SLC25A37: variants seen among roughly 807,000 people sequenced by gnomAD.
SLC25A37 encodes mitoferrin-1.
In SLC25A37, 17 loss-of-function variants were observed where a neutral mutation model predicts 31.0. That is an observed-to-expected ratio of 0.55 (90% CI 0.38 to 0.82). The LOEUF is 0.82. SLC25A37 is among the 40% of genes least tolerant of loss of function. The pLI, the probability that SLC25A37 is intolerant of heterozygous loss-of-function variation, is 0.00. For synonymous variants in SLC25A37, 222 were observed against 193.0 expected (o/e 1.15, Z -1.24); for missense variants, 404 against 465.8 (o/e 0.87, Z 1.22).
chr8:23,541,633 C>T (rs1249204524), intron 1 of SLC25A37: 1 of 152,382 alleles, frequency 6.6e-6, no homozygotes, highest in African/African-American at 2.4e-5. Flanking sequence ...GCTGGCCAGC[C>T]AGACCTGCCG....
chr8:23,569,427 A>ACACACACACACT (rs1182003929), intron 3 of SLC25A37, among the ~76,000 whole-genome samples: 1 of 151,154 alleles, frequency 6.6e-6, no homozygotes, highest in Non-Finnish European at 1.5e-5. Context: ...ACACACACAC[A>ACACACACACACT]CTCACTCTCT....
In SLC25A37 at chr8:23,550,336, G is replaced by C. The variant is rs1448996087; in HGVS notation, c.211-15772G>C. ...GCGCTGGCTCCGAGATCACAGTGCT[G>C]CCGCCCTCCTTCACGTTTCTCTGAC... On this transcript the variant is annotated intron_variant, in intron 1 of 3. Coordinates refer to ENST00000519973, the MANE Select transcript of SLC25A37 (RefSeq NM_016612.4). Among the ~76,000 whole-genome samples the C allele has an allele frequency of 2.0e-5, 2 of 101,268 alleles. 1 individual carries two copies. Among genetic ancestry groups the C allele is most frequent in the South Asian group, 5.6e-4 (2 of 3,544 alleles). The allele number at this position is 101,268 out of a possible 152,430, so 66.4% of individuals were successfully genotyped here. A position where few individuals can be genotyped will look rare whatever the true frequency, so the allele number is the denominator to read the frequency against.
In SLC25A37 at chr8:23,574,069, C is replaced by T. The variant is rs773762158; in HGVS notation, c.*2214C>T. 46 of 340,018 alleles carry T rather than the reference C, an allele frequency of 1.4e-4. No individual in the cohort carries two copies. The highest frequency in any genetic ancestry group is 4.3e-4 in the Middle Eastern group (1 of 2,316). The allele number at this position is 340,018 out of a possible 1,614,324, so 21.1% of individuals were successfully genotyped here. ...CTTTTGGTCCACTTAAGATATGCCA[C>T]GCTGAAGCAAGGTATTTCCTACTGG... On this transcript the variant is annotated 3_prime_UTR_variant, in exon 4 of 4. Coordinates refer to ENST00000519973, the MANE Select transcript of SLC25A37 (RefSeq NM_016612.4).
intron 1 of SLC25A37, among the ~76,000 whole-genome samples, chr8:23,558,773 C>A (rs1312729541): frequency 1.3e-5 from 2 of 152,202 alleles, no homozygotes. Flanking sequence ...GCCAGAGACC[C>A]TTGTCTCTTG....
At chr8:23,545,332 C>T (rs910055650) in intron 1 of SLC25A37, among the ~76,000 whole-genome samples, 3 of 152,202 alleles carry the variant, frequency 2.0e-5, no homozygotes, top group Admixed American at 1.3e-4. Flanking sequence ...TTGTAGCCTT[C>T]CTCTCTCAGA....
chr8:23,566,004 T>C, intron 1 of SLC25A37, 104 bp from the exon 2 acceptor site: 2 of 1,411,712 alleles, frequency 1.4e-6, no homozygotes, highest in Non-Finnish European at 1.9e-6. Flanking sequence ...CCTGTGAAAC[T>C]ATGACATTGT....
chr8:23,560,007 A>G (rs1802471974), intron 1 of SLC25A37, among the ~76,000 whole-genome samples: 1 of 152,206 alleles, frequency 6.6e-6, no homozygotes, highest in African/African-American at 2.4e-5. Flanking sequence ...TTTTACAGGT[A>G]GTGGAGCTTT....
chr8:23,535,712 G>C (rs142215797), intron 1 of SLC25A37, among the ~76,000 whole-genome samples: 3 of 152,308 alleles, frequency 2.0e-5, no homozygotes, highest in East Asian at 1.9e-4. Flanking sequence ...ACAGTTCCAC[G>C]TGGCTGGGAA....
chr8:23,562,586 T>C (rs1802545070), intron 1 of SLC25A37, among the ~76,000 whole-genome samples: 1 of 152,224 alleles, frequency 6.6e-6, no homozygotes, highest in Non-Finnish European at 1.5e-5. Context: ...CTCTGTGGCC[T>C]GCACAACCCT....
chr8:23,536,310 C>T (rs1306802701), intron 1 of SLC25A37, among the ~76,000 whole-genome samples: 1 of 152,134 alleles, frequency 6.6e-6, no homozygotes, highest in African/African-American at 2.4e-5. Flanking sequence ...AACACATGTT[C>T]TGAAAGAACT....
At chr8:23,543,356 C>G (rs28890784) in intron 1 of SLC25A37, 2 of 151,680 alleles carry the variant, frequency 1.3e-5, no homozygotes, top group African/African-American at 4.9e-5. Flanking sequence ...TGAGTCACCA[C>G]GCCCAACCTT....
At chr8:23,539,177 A>C (rs1422617881) in intron 1 of SLC25A37, among the ~76,000 whole-genome samples, 2 of 152,216 alleles carry the variant, frequency 1.3e-5, no homozygotes, top group African/African-American at 4.8e-5. Flanking sequence ...AAATAGGGAG[A>C]AATCCCAGCA....
At chr8:23,534,586 C>T (rs1210408414) in intron 1 of SLC25A37, among the ~76,000 whole-genome samples, 2 of 152,198 alleles carry the variant, frequency 1.3e-5, no homozygotes, top group Non-Finnish European at 2.9e-5. Context: ...CTTCCCCCTC[C>T]TGATGGAAAT....
At chr8:23,544,115 CT>C (rs1238282906) in intron 1 of SLC25A37, among the ~76,000 whole-genome samples, 1 of 152,192 alleles carries the variant, frequency 6.6e-6, no homozygotes, top group East Asian at 1.9e-4. Context: ...CTGCCCTAGC[CT>C]CCCAAAGTGC....
chr8:23,543,161 T>A (rs1801944262), intron 1 of SLC25A37: 1 of 152,074 alleles, frequency 6.6e-6, no homozygotes, highest in Admixed American at 6.6e-5. Context: ...CTCGAACTCC[T>A]GGGTACAAGG....
At chr8:23,563,546 C>T (rs1304735490) in intron 1 of SLC25A37, among the ~76,000 whole-genome samples, 1 of 152,140 alleles carries the variant, frequency 6.6e-6, no homozygotes, top group Non-Finnish European at 1.5e-5. Context: ...AAATTGAAAT[C>T]ACTTTAAAAA....
Position 23,572,027 on chromosome 8 carries a change from T to C in SLC25A37, c.*172T>C. 1 of 717,340 alleles carries C rather than the reference T, an allele frequency of 1.4e-6. No homozygotes were observed. Among genetic ancestry groups the C allele is most frequent in the Non-Finnish European group, 2.3e-6 (1 of 442,410 alleles). 44.4% of individuals were successfully genotyped at this position (717,340 alleles called of 1,614,324 possible). On this transcript the variant is annotated 3_prime_UTR_variant, in exon 4 of 4. Coordinates refer to ENST00000519973, the MANE Select transcript of SLC25A37 (RefSeq NM_016612.4). ...GGCACGGCCGCTCACCGGAAGGCTG[T>C]GTGCGGGGACATCCGAGGTGGTGGT...
At chr8:23,532,038 A>G (rs1344627595) in intron 1 of SLC25A37, 2 of 152,230 alleles carry the variant, frequency 1.3e-5, no homozygotes, top group Admixed American at 1.3e-4. Flanking sequence ...AGACGTGTAC[A>G]ATGTACTTCT....
chr8:23,563,853 C>T (rs1427115374), intron 1 of SLC25A37, among the ~76,000 whole-genome samples: 4 of 152,040 alleles, frequency 2.6e-5, no homozygotes, highest in East Asian at 1.9e-4. Context: ...TGGTGGAGGG[C>T]GCCTGTAATC....
Sources: gnomAD v4.1 joint callset for allele counts (sites outside exome capture counted in the v4.1 genomes callset) on GRCh38, gnomAD v4.1.1 for gene constraint, MANE v1.5 for transcripts, NCBI Gene and HGNC (gene_info 2026-07-23, HGNC 2026-07-21) for gene names.